CCDC51: variants seen among roughly 807,000 people sequenced by gnomAD.
CCDC51 encodes the protein mitochondrial potassium channel.
In CCDC51, 25 loss-of-function variants were observed where a neutral mutation model predicts 24.8. The observed-to-expected ratio is 1.01, with a 90% CI of 0.73 to 1.41. The LOEUF (loss-of-function observed/expected upper bound fraction) is 1.41. Ranked by LOEUF, CCDC51 falls within the 40% of genes most tolerant of loss-of-function variation. The pLI is 0.00. For synonymous variants in CCDC51, 190 were observed against 204.3 expected (o/e 0.93, Z 0.60); for missense variants, 466 against 519.1 (o/e 0.90, Z 0.99).
upstream of CCDC51, chr3:48,444,274 CT>C (rs959861180): frequency 5.1e-5 from 8 of 155,680 alleles, no homozygotes; most frequent in Admixed American, 1.3e-4. Context: ...AGAATTTGCA[CT>C]TTTTTTTGGT....
At chr3:48,444,510 T>G (rs576593185), upstream of CCDC51, among the ~76,000 whole-genome samples, 1 of 152,180 alleles carries the variant, frequency 6.6e-6, no homozygotes, top group Non-Finnish European at 1.5e-5. Context: ...TGACCTCAAG[T>G]GATCTGCCTG....
chr3:48,434,089 CA>C lies in CCDC51; in HGVS notation c.313-219del, dbSNP rs1292272344. ...GAATCACGAGATTTAGCCATTCAAGCAGAAATAACATGCCCCTGAAAAAACT... is the reference window on the plus strand; with the variant it reads ...GAATCACGAGATTTAGCCATTCAAGCGAAATAACATGCCCCTGAAAAAACT... On this transcript the variant is annotated intron_variant, in intron 2 of 3. Coordinates refer to ENST00000395694, the MANE Select transcript of CCDC51 (RefSeq NM_001256964.2). 4 of 1,051,718 alleles carry C rather than the reference CA, an allele frequency of 3.8e-6. No homozygotes were observed. The Admixed American group carries it at 1.5e-4, about 38-fold the overall frequency. The allele number at this position is 1,051,718 out of a possible 1,614,324, so 65.1% of individuals were successfully genotyped here.
intron 1 of CCDC51, 36 bp downstream of exon 1, chr3:48,439,952 G>A: frequency 2.5e-6 from 1 of 393,328 alleles, no homozygotes; most frequent in Non-Finnish European, 4.6e-6. Context: ...CGACGAGCTT[G>A]AAGCTCTTTG....
chr3:48,440,388 T>C, upstream of CCDC51: 1 of 1,611,688 alleles, frequency 6.2e-7, no homozygotes, highest in Non-Finnish European at 8.5e-7. Flanking sequence ...CCGAACGTGC[T>C]CGTGTCGCCC....
At position 48,440,006 on chromosome 3, in the gene CCDC51, G is replaced by A; in HGVS notation, c.-27C>T. The A allele has an allele frequency of 2.0e-6, 1 of 490,004 alleles. No homozygotes were observed. Among genetic ancestry groups the A allele is most frequent in the Non-Finnish European group, 3.6e-6 (1 of 278,686 alleles). 30.4% of individuals were successfully genotyped at this position (490,004 alleles called of 1,614,324 possible). The stretch of plus-strand genomic sequence containing the variant: ...TGTCTACCTGCAGTGCTCTTCCCGC[G>A]CACGGCCACAGGCCTGGTAGGCCGT... On this transcript the variant is annotated 5_prime_UTR_variant, in exon 1 of 4. Coordinates refer to ENST00000395694, the MANE Select transcript of CCDC51 (RefSeq NM_001256964.2).
At chr3:48,445,643 T>C in the CCDC51 span, among the ~76,000 whole-genome samples, 1 of 152,230 alleles carries the variant, frequency 6.6e-6, no homozygotes, top group South Asian at 2.1e-4. Flanking sequence ...TGGGAAGCTA[T>C]CTGACGGAGA....
chr3:48,443,986 GTGT>G, upstream of CCDC51: 3 of 848,922 alleles, frequency 3.5e-6, no homozygotes, highest in Non-Finnish European at 5.0e-6. Context: ...CTGGAATTAA[GTGT>G]TGTCTTGGAG....
At chr3:48,443,788 G>A (rs755161948), upstream of CCDC51, 47 of 1,438,460 alleles carry the variant, frequency 3.3e-5, no homozygotes, top group African/African-American at 5.9e-5. Flanking sequence ...CAGCAGGCCC[G>A]TGGGGCTTCT....
upstream of CCDC51, chr3:48,440,680 T>C (rs150100171): frequency 4.8e-4 from 737 of 1,535,492 alleles, 4 homozygotes; most frequent in African/African-American, 8.9e-3. Flanking sequence ...TGAGCACCTA[T>C]TGGGATGAGG....
At chr3:48,438,076 A>C (rs1216555580) in intron 1 of CCDC51, 1 of 151,880 alleles carries the variant, frequency 6.6e-6, no homozygotes. Context: ...CCTCCTTCAC[A>C]TGCCATTTTT....
chr3:48,440,347 G>A, upstream of CCDC51: 2 of 1,611,800 alleles, frequency 1.2e-6, no homozygotes, highest in Non-Finnish European at 1.7e-6. Flanking sequence ...CTGCGGGGAC[G>A]GCGGGGTGGG....
chr3:48,435,222 C>A lies in CCDC51; in HGVS notation c.-8-86G>T. 1 of 1,071,894 alleles carries A rather than the reference C, an allele frequency of 9.3e-7. No homozygotes were observed. The highest frequency in any genetic ancestry group is 2.6e-5 in the East Asian group (1 of 38,138). The allele number at this position is 1,071,894 out of a possible 1,614,324, so 66.4% of individuals were successfully genotyped here. A position where few individuals can be genotyped will look rare whatever the true frequency, so the allele number is the denominator to read the frequency against. ...TTTGAGGCCTAGGGACAGTTCTGAA[C>A]AGACTAATCCCCACTCAAATCATCT... On this transcript the variant is annotated intron_variant, in intron 1 of 3. Transcript: ENST00000395694. This position sits in a 1 kb window ranked among gnomAD's most constrained non-coding sequence, Gnocchi z 4.2.
chr3:48,440,409 A>G, upstream of CCDC51: 1 of 1,611,752 alleles, frequency 6.2e-7, no homozygotes, highest in Non-Finnish European at 8.5e-7. Flanking sequence ...ACAGGTGGCA[A>G]GAAGAAGCCA....
upstream of CCDC51, among the ~76,000 whole-genome samples, chr3:48,441,222 T>G (rs1194244673): frequency 6.6e-6 from 1 of 152,020 alleles, no homozygotes; most frequent in African/African-American, 2.4e-5. Context: ...ATTTTTGTAT[T>G]TTTAGTAGAG....
chr3:48,443,411 G>C (rs980732454), upstream of CCDC51, among the ~76,000 whole-genome samples: 14 of 151,958 alleles, frequency 9.2e-5, no homozygotes, highest in Admixed American at 7.9e-4. Context: ...GCCAGGGCTT[G>C]TGGTCCCAGC....
Position 48,434,861 on chromosome 3 carries a change from C to T in CCDC51, c.268G>A (p.Val90Ile), listed in dbSNP as rs758064467. 1.4e-5 allele frequency: 23 copies of T among 1,613,354 alleles called. No individual in the cohort carries two copies. In the South Asian group the frequency reaches 2.2e-4, roughly 15 times the overall value. Residue 90 changes from valine (V) to isoleucine (I), a missense_variant, in exon 2 of 4, where the codon GTT becomes ATT. Transcript: ENST00000395694. Reference protein sequence around the residue: ...KTWWDRYEEFVGLNEVREAQG... With the variant: ...KTWWDRYEEFIGLNEVREAQG... Reference sequence around the variant, plus strand: ...GCCTCTCGAACCTCGTTGAGTCCAACAAACTCTTCATATCTGTCCCACCAA... The same window carrying T: ...GCCTCTCGAACCTCGTTGAGTCCAATAAACTCTTCATATCTGTCCCACCAA...
rs1202557709 is a variant in CCDC51, at chr3:48,432,432, G to T, written c.1212C>A (p.Leu404=). The T allele has an allele frequency of 6.2e-7, 1 of 1,614,248 alleles. No individual in the cohort carries two copies. The highest frequency in any genetic ancestry group is 2.2e-5 in the East Asian group (1 of 44,886). The change falls in exon 4 of 4, where the codon CTC becomes CTA. Residue 404 remains leucine (L), a synonymous_variant. Coordinates refer to ENST00000395694, the MANE Select transcript of CCDC51 (RefSeq NM_001256964.2). ...GTTAGCTGGCTTTGAATAGCATGTA[G>T]AGCACAGGCAGTGTGGCCACAAATG... ...CVTFVATLPV[L]YMLFKAS
chr3:48,440,490 C>T (rs748933148), upstream of CCDC51: 9 of 1,602,544 alleles, frequency 5.6e-6, no homozygotes, highest in Non-Finnish European at 7.7e-6. Flanking sequence ...CTGGCGGGTG[C>T]GGGGGCGCTG....
chr3:48,434,433 G>C (rs1158945403), intron 2 of CCDC51, among the ~76,000 whole-genome samples: 1 of 152,154 alleles, frequency 6.6e-6, no homozygotes, highest in African/African-American at 2.4e-5. Context: ...ACCACCACCA[G>C]CTCTTTCCAC....
Sources: gnomAD v4.1 joint callset for allele counts (sites outside exome capture counted in the v4.1 genomes callset) on GRCh38, gnomAD v4.1.1 for gene constraint, Gnocchi (gnomAD v3.1) non-coding constraint, MANE v1.5 for transcripts, NCBI Gene and HGNC (gene_info 2026-07-23, HGNC 2026-07-21) for gene names.